TMEM67: variants seen among roughly 807,000 people sequenced by gnomAD.
TMEM67 encodes transmembrane protein 67.
Under a neutral mutation model 136.6 loss-of-function variants are expected in TMEM67, and 124 were observed. The observed-to-expected ratio is 0.91, with a 90% CI of 0.78 to 1.05. The LOEUF is 1.05. Among genes scored for constraint, TMEM67 ranks in the 50% least tolerant of loss-of-function variants. The pLI, the probability that TMEM67 is intolerant of heterozygous loss-of-function variation, is 0.00. For synonymous variants in TMEM67, 364 were observed against 390.5 expected (o/e 0.93, Z 0.80); for missense variants, 1,107 against 1,178.4 (o/e 0.94, Z 0.89).
intron 7 of TMEM67, among the ~76,000 whole-genome samples, chr8:93,773,187 A>C (rs544827933): frequency 2.6e-5 from 4 of 152,182 alleles, no homozygotes; most frequent in African/African-American, 9.7e-5. Context: ...GAGTGTTCTA[A>C]GCAGAAACCA....
intron 6 of TMEM67, among the ~76,000 whole-genome samples, chr8:93,768,510 T>C (rs1380504708): frequency 1.3e-5 from 2 of 151,984 alleles, no homozygotes; most frequent in African/African-American, 4.8e-5. Flanking sequence ...CTCAAGAGGC[T>C]AAGACGGGAG....
At chr8:93,790,056 ACT>A (rs1207779116) in intron 14 of TMEM67, among the ~76,000 whole-genome samples, 5 of 151,598 alleles carry the variant, frequency 3.3e-5, no homozygotes, top group East Asian at 1.9e-4. Flanking sequence ...CCAGAGTGAG[ACT>A]CTGTCTCAAA....
rs1392615560 is a variant in TMEM67, at chr8:93,804,787, A to G, written c.2348A>G (p.Lys783Arg). ...SNISVFLLSHKCFGYYIHGRS... is the reference protein window; with the variant it reads ...SNISVFLLSHRCFGYYIHGRS... ...ATATCAGTGTTTCTGTTATCCCACA[A>G]ATGTTTTGGATATTACATTCATGGT... Residue 783 changes from lysine (K) to arginine (R), a missense_variant, in exon 23 of 28, where the codon AAA becomes AGA. Lys to Arg is a conservative substitution (Grantham distance 26). Transcript: ENST00000453321. 6.2e-7 allele frequency: 1 copy of G among 1,604,328 alleles called. No individual in the cohort carries two copies. Among genetic ancestry groups the G allele is most frequent in the South Asian group, 1.1e-5 (1 of 90,752 alleles).
chr8:93,813,423 C>T (rs1243421163), intron 26 of TMEM67, among the ~76,000 whole-genome samples: 2 of 152,146 alleles, frequency 1.3e-5, no homozygotes, highest in East Asian at 3.9e-4. Context: ...AAGAGATCTG[C>T]CCACCTCGGC....
At chr8:93,782,286 A>G in intron 10 of TMEM67, 109 bp from the exon 11 acceptor site, 1 of 799,142 alleles carries the variant, frequency 1.3e-6, no homozygotes, top group Non-Finnish European at 2.1e-6. Flanking sequence ...TCCTTGATAC[A>G]TTAAATAAGT....
At chr8:93,803,063 T>G (rs1196917485) in intron 21 of TMEM67, among the ~76,000 whole-genome samples, 1 of 152,334 alleles carries the variant, frequency 6.6e-6, no homozygotes, top group South Asian at 2.1e-4. Context: ...TAAAAAGATG[T>G]ACCATGTAAA....
At chr8:93,818,589 C>T (rs1233021387), downstream of TMEM67, among the ~76,000 whole-genome samples, 1 of 152,038 alleles carries the variant, frequency 6.6e-6, no homozygotes, top group Admixed American at 6.5e-5. Flanking sequence ...AACTGTAAGT[C>T]AAGGAGCAGT....
chr8:93,755,636 A>C, intron 1 of TMEM67, 142 bp from the exon 2 acceptor site: 1 of 635,016 alleles, frequency 1.6e-6, no homozygotes, highest in East Asian at 2.8e-5. Context: ...GAACCCAGGC[A>C]GTACTGCCTC....
At position 93,795,440 on chromosome 8, in the gene TMEM67, G is replaced by C. The variant is rs1017800436; in HGVS notation, c.1706G>C (p.Gly569Ala). The stretch of plus-strand genomic sequence containing the variant: ...GTGAAATTCTTGGTGTACTATGCTG[G>C]TGATCTGGCCAATGTTTTCTTTATC... ...TVVKFLVYYA[G>A]DLANVFFIIT... The change falls in exon 17 of 28, where the codon GGT (glycine) becomes GCT (alanine). Residue 569 changes from glycine (G) to alanine (A), a missense_variant. Transcript: ENST00000453321. The C allele has an allele frequency of 6.2e-7, 1 of 1,614,030 alleles. No individual in the cohort carries two copies. Among genetic ancestry groups the C allele is most frequent in the Admixed American group, 1.7e-5 (1 of 60,016 alleles).
Position 93,782,407 on chromosome 8 carries a change from A to C in TMEM67, c.1078A>C (p.Thr360Pro). ...TATTTTGCTGCAGCTTTGTCCAGAC[A>C]CAGAGACAAGGCTAAATGCTGCTTA... The part of the protein sequence containing the change: ...EGGVLQLCPD[T>P]ETRLNAAYSF... Residue 360 changes from threonine to proline, a missense_variant, in exon 11 of 28, where the codon ACA (threonine) becomes CCA (proline). Around this residue, in one of 3 missense-constraint regions of TMEM67, gnomAD observed 925 missense variants for 1,002.4 expected, o/e 0.92. Transcript: ENST00000453321. 1 of 1,612,978 alleles carries C rather than the reference A, an allele frequency of 6.2e-7. No homozygotes were observed. The highest frequency in any genetic ancestry group is 8.5e-7 in the Non-Finnish European group (1 of 1,179,394).
At chr8:93,764,488 C>T (rs959526792) in intron 4 of TMEM67, among the ~76,000 whole-genome samples, 1 of 104,304 alleles carries the variant, frequency 9.6e-6, no homozygotes, top group Non-Finnish European at 1.9e-5. Flanking sequence ...CCCCTTTGTG[C>T]ATGTATTTGT....
intron 4 of TMEM67, 69 bp from the exon 5 acceptor site, chr8:93,765,337 G>C (rs1813032621): frequency 7.9e-7 from 1 of 1,264,984 alleles, no homozygotes; most frequent in East Asian, 2.5e-5. Flanking sequence ...TGTTTAGAAA[G>C]ACAGCTTTTC....
downstream of TMEM67, chr8:93,818,959 G>T: frequency 2.5e-6 from 1 of 401,128 alleles, no homozygotes; most frequent in South Asian, 1.9e-5. Context: ...GCACCACCAT[G>T]CCCAGCTAAT....
intron 6 of TMEM67, among the ~76,000 whole-genome samples, chr8:93,769,100 T>C (rs904359304): frequency 1.3e-5 from 2 of 152,126 alleles, no homozygotes; most frequent in African/African-American, 4.8e-5. Flanking sequence ...CTGGGGCACC[T>C]GAGGGACAAC....
intron 6 of TMEM67, among the ~76,000 whole-genome samples, chr8:93,769,362 G>C (rs1813233370): frequency 6.6e-6 from 1 of 152,234 alleles, no homozygotes; most frequent in Non-Finnish European, 1.5e-5. Flanking sequence ...CCCACATACT[G>C]CCCAAGGGCA....
intron 21 of TMEM67, among the ~76,000 whole-genome samples, chr8:93,801,218 T>C (rs117112174): frequency 0.013 from 1,924 of 152,122 alleles, 19 homozygotes; most frequent in South Asian, 0.02. Context: ...TTTTTAAGAA[T>C]CTTTTGAGAT....
intron 7 of TMEM67, among the ~76,000 whole-genome samples, chr8:93,780,111 G>T (rs926470236): frequency 4.6e-5 from 7 of 151,820 alleles, no homozygotes; most frequent in Non-Finnish European, 8.8e-5. Context: ...CCAGCCTGCT[G>T]CCTGGCAGGT....
intron 3 of TMEM67, among the ~76,000 whole-genome samples, chr8:93,762,236 A>G (rs1221326250): frequency 6.6e-6 from 1 of 152,140 alleles, no homozygotes; most frequent in African/African-American, 2.4e-5. Context: ...CCTGGATGAC[A>G]AGAGCGAAAC....
chr8:93,829,380 C>CTGTG, the TMEM67 span, among the ~76,000 whole-genome samples: 2,523 of 150,206 alleles, frequency 0.017, 30 homozygotes, highest in Non-Finnish European at 0.028. Context: ...CTCTCTCTCT[C>CTGTG]TCTGTGTGTG....
Sources: allele counts gnomAD v4.1 joint callset (sites outside exome capture counted in the v4.1 genomes callset), GRCh38; gene constraint gnomAD v4.1.1; regional missense constraint gnomAD v4.1.1; transcripts MANE v1.5; gene names NCBI Gene and HGNC (gene_info 2026-07-23, HGNC 2026-07-21).